ILDR2: variants seen among roughly 807,000 people sequenced by gnomAD.
The protein encoded by ILDR2 is immunoglobulin like domain containing receptor 2.
ILDR2 carries 25 observed loss-of-function variants against 66.8 expected under a neutral mutation model. The observed-to-expected ratio is 0.37, with a 90% CI of 0.27 to 0.52. ILDR2 has a LOEUF of 0.52. Ranked by LOEUF, ILDR2 falls within the 20% of genes least tolerant of loss-of-function variation. The pLI, the probability that ILDR2 is intolerant of heterozygous loss-of-function variation, is 0.88. For synonymous variants in ILDR2, 367 were observed against 357.2 expected (o/e 1.03, Z -0.31); for missense variants, 827 against 876.8 (o/e 0.94, Z 0.72).
intron 1 of ILDR2, among the ~76,000 whole-genome samples, chr1:166,958,959 G>A (rs1662447217): frequency 1.3e-5 from 2 of 152,088 alleles, no homozygotes; most frequent in Non-Finnish European, 2.9e-5. Context: ...AAGGTACTCC[G>A]TCATCTAGTT....
At chr1:166,966,137 A>C (rs1200049009) in intron 1 of ILDR2, among the ~76,000 whole-genome samples, 1 of 152,186 alleles carries the variant, frequency 6.6e-6, no homozygotes, top group Non-Finnish European at 1.5e-5. Context: ...TTAAAAAAAA[A>C]CCTAAAAAAC....
intron 3 of ILDR2, chr1:166,943,712 C>G (rs945389769): frequency 5.2e-5 from 25 of 479,760 alleles, no homozygotes; most frequent in Non-Finnish European, 6.2e-5. Flanking sequence ...CAATGAAGGC[C>G]TGATCTTACA....
intron 1 of ILDR2, among the ~76,000 whole-genome samples, chr1:166,961,131 C>A (rs1662586314): frequency 6.6e-6 from 1 of 152,184 alleles, no homozygotes; most frequent in Non-Finnish European, 1.5e-5. Context: ...GTTTTAGGTT[C>A]AAGGAGTACA....
At chr1:166,965,582 G>GTTTTTT (rs60596259) in intron 1 of ILDR2, among the ~76,000 whole-genome samples, 1 of 123,984 alleles carries the variant, frequency 8.1e-6, no homozygotes, top group African/African-American at 3.0e-5. Context: ...TTTTTTTTTT[G>GTTTTTT]TTTTTTTTTT....
chr1:166,948,996 T>C (rs979757012), intron 3 of ILDR2, among the ~76,000 whole-genome samples: 3 of 152,278 alleles, frequency 2.0e-5, no homozygotes, highest in African/African-American at 7.2e-5. Flanking sequence ...TCCAAGTTCA[T>C]ATTGCTGCAC....
chr1:166,964,653 C>A (rs1662824679), intron 1 of ILDR2, among the ~76,000 whole-genome samples: 1 of 152,140 alleles, frequency 6.6e-6, no homozygotes, highest in Admixed American at 6.5e-5. Context: ...AGTGACAGCT[C>A]TTCTCCCCCA....
At chr1:166,905,054 G>A (rs1659317620), downstream of ILDR2, among the ~76,000 whole-genome samples, 1 of 152,140 alleles carries the variant, frequency 6.6e-6, no homozygotes, top group South Asian at 2.1e-4. Context: ...GCCCTATATT[G>A]CACATTCTAA....
At chr1:166,907,078 T>C (rs1361083541), downstream of ILDR2, 1 of 152,214 alleles carries the variant, frequency 6.6e-6, no homozygotes. Flanking sequence ...AGTCTTTAGG[T>C]CAATTTTTTC....
chr1:166,944,439 A>G (rs1040256221), intron 3 of ILDR2, among the ~76,000 whole-genome samples: 1 of 152,208 alleles, frequency 6.6e-6, no homozygotes, highest in African/African-American at 2.4e-5. Flanking sequence ...CTGTGCCACA[A>G]GAACTATTAA....
intron 3 of ILDR2, among the ~76,000 whole-genome samples, chr1:166,946,291 T>C (rs1409460610): frequency 6.6e-6 from 1 of 152,198 alleles, no homozygotes; most frequent in East Asian, 1.9e-4. Flanking sequence ...CCCCTTTTCT[T>C]TTATATATAT....
Position 166,915,040 on chromosome 1 carries a change from T to A in ILDR2, c.*4315A>T, listed in dbSNP as rs1557924439. The A allele has an allele frequency of 6.6e-6, 1 of 152,236 alleles. No individual in the cohort carries two copies. The highest frequency in any genetic ancestry group is 6.5e-5 in the Admixed American group (1 of 15,288). 9.4% of individuals were successfully genotyped at this position (152,236 alleles called of 1,614,324 possible). ...TGGCATCTTTTCCTTCTATTCATGA[T>A]TTAAGTTTTGCTAAAAATATATCAA... is the stretch of plus-strand genomic sequence containing the variant. On this transcript the variant is annotated 3_prime_UTR_variant, in exon 10 of 10. Coordinates refer to ENST00000271417, the MANE Select transcript of ILDR2 (RefSeq NM_199351.3).
chr1:166,920,314 G>A (rs1214335736), intron 9 of ILDR2, among the ~76,000 whole-genome samples: 1 of 152,168 alleles, frequency 6.6e-6, no homozygotes, highest in Admixed American at 6.5e-5. Context: ...GCACATAGAA[G>A]GATGCATCGA....
chr1:166,906,739 A>G (rs1338727912), downstream of ILDR2, among the ~76,000 whole-genome samples: 2 of 152,132 alleles, frequency 1.3e-5, no homozygotes, highest in Non-Finnish European at 2.9e-5. Flanking sequence ...CAACTGAACC[A>G]CTTGTTATTT....
chr1:166,919,109 C>T lies in ILDR2; in HGVS notation c.*246G>A. 1.9e-6 allele frequency: 1 copy of T among 519,786 alleles called. No homozygotes were observed. Among genetic ancestry groups the T allele is most frequent in the Admixed American group, 3.2e-5 (1 of 30,874 alleles). The allele number at this position is 519,786 out of a possible 1,614,324, so 32.2% of individuals were successfully genotyped here. ...GGATAAACGCTATAGTTGAGAAACT[C>T]TGTATGTAGGAATGTTCTCACACAT... is the stretch of plus-strand genomic sequence containing the variant. On this transcript the variant is annotated 3_prime_UTR_variant, in exon 10 of 10. Transcript: ENST00000271417.
At chr1:166,932,402 G>A (rs1419068463) in intron 6 of ILDR2, among the ~76,000 whole-genome samples, 33 of 152,200 alleles carry the variant, frequency 2.2e-4, no homozygotes, top group Non-Finnish European at 5.9e-5. Flanking sequence ...AAAGGGACAG[G>A]AAAGCAACAT....
chr1:166,942,519 C>A (rs979883880), intron 3 of ILDR2, among the ~76,000 whole-genome samples: 1 of 152,170 alleles, frequency 6.6e-6, no homozygotes, highest in South Asian at 2.1e-4. Context: ...ATGTTGGCAA[C>A]CAGTTCATTA....
chr1:166,901,731 C>G (rs923210407), intron 2 of ILDR2, among the ~76,000 whole-genome samples: 1 of 152,218 alleles, frequency 6.6e-6, no homozygotes. Flanking sequence ...TATTTTTCTG[C>G]CTTCTTCCCT....
chr1:166,943,240 C>G (rs936664924), intron 3 of ILDR2, among the ~76,000 whole-genome samples: 11 of 152,154 alleles, frequency 7.2e-5, no homozygotes, highest in African/African-American at 2.7e-4. Flanking sequence ...CGCCTGTAAT[C>G]CCAGCACTTT....
intron 2 of ILDR2, among the ~76,000 whole-genome samples, chr1:166,896,953 A>G (rs1047336585): frequency 6.6e-6 from 1 of 152,240 alleles, no homozygotes; most frequent in African/African-American, 2.4e-5. Context: ...TTACTTTAAA[A>G]AAATTAGGCT....
Sources: gnomAD v4.1 joint callset for allele counts (sites outside exome capture counted in the v4.1 genomes callset) on GRCh38, gnomAD v4.1.1 for gene constraint, MANE v1.5 for transcripts, NCBI Gene and HGNC (gene_info 2026-07-23, HGNC 2026-07-21) for gene names.